The following CXADR variants were observed in gnomAD, a reference collection of about 807,000 sequenced individuals.
CXADR encodes CXADR cell adhesion molecule, also known as coxsackievirus and adenovirus receptor.
In CXADR, 20 loss-of-function variants were observed where a neutral mutation model predicts 40.3. That is an observed-to-expected ratio of 0.50 (90% CI 0.35 to 0.72). The LOEUF (loss-of-function observed/expected upper bound fraction) is 0.72. Among genes scored for constraint, CXADR ranks in the 30% least tolerant of loss-of-function variants. CXADR has a pLI of 0.01. For missense variants in CXADR, 332 were observed against 449.1 expected (o/e 0.74, Z 2.36); for synonymous variants, 150 against 161.3 (o/e 0.93, Z 0.53).
chr21:17,513,062 G>A lies in CXADR; in HGVS notation c.-68G>A. 19 of 1,303,242 alleles carry A rather than the reference G, an allele frequency of 1.5e-5. No homozygotes were observed. Among genetic ancestry groups the A allele is most frequent in the Non-Finnish European group, 1.9e-5 (19 of 1,017,072 alleles). 80.7% of individuals were successfully genotyped at this position (1,303,242 alleles called of 1,614,324 possible). A position where few individuals can be genotyped will look rare whatever the true frequency, so the allele number is the denominator to read the frequency against. ...CGAGCCAGTCGGGAGCGCGCGAGGC[G>A]CGGGGAGCCTGGGACCAGGAGCGAG... is the stretch of plus-strand genomic sequence containing the variant. On this transcript the variant is annotated 5_prime_UTR_variant, in exon 1 of 7. Coordinates refer to ENST00000284878, the MANE Select transcript of CXADR (RefSeq NM_001338.5).
chr21:17,557,769 T>C (rs1014757865), intron 3 of CXADR, among the ~76,000 whole-genome samples: 1 of 152,160 alleles, frequency 6.6e-6, no homozygotes, highest in Non-Finnish European at 1.5e-5. Flanking sequence ...TAATCTACAG[T>C]GGTAGAATCT....
At chr21:17,516,975 A>C (rs1011930468) in intron 1 of CXADR, among the ~76,000 whole-genome samples, 2 of 152,192 alleles carry the variant, frequency 1.3e-5, no homozygotes, top group African/African-American at 4.8e-5. Flanking sequence ...AAAATACCAA[A>C]TTTATAAAAT....
At chr21:17,544,890 T>G (rs1048833863) in intron 1 of CXADR, among the ~76,000 whole-genome samples, 1 of 152,312 alleles carries the variant, frequency 6.6e-6, no homozygotes, top group African/African-American at 2.4e-5. Flanking sequence ...ATTAAAATTT[T>G]ATTAGAACTG....
intron 6 of CXADR, among the ~76,000 whole-genome samples, chr21:17,562,051 G>T (rs2739392): frequency 0.91 from 137,869 of 152,258 alleles, 62,506 homozygotes; most frequent in East Asian, 1. Context: ...TCACATGAAT[G>T]TTTTTGTTTT....
downstream of CXADR, among the ~76,000 whole-genome samples, chr21:17,571,983 A>G (rs897366300): frequency 6.6e-6 from 1 of 152,180 alleles, no homozygotes; most frequent in African/African-American, 2.4e-5. Context: ...ATATTTAGTA[A>G]GAAACCTATG....
At chr21:17,522,922 A>G (rs2060549862) in intron 1 of CXADR, among the ~76,000 whole-genome samples, 1 of 152,160 alleles carries the variant, frequency 6.6e-6, no homozygotes, top group Non-Finnish European at 1.5e-5. Flanking sequence ...TCTCTCTCAT[A>G]TTAATTGGCA....
intron 1 of CXADR, among the ~76,000 whole-genome samples, chr21:17,543,755 A>G (rs754482529): frequency 1.3e-5 from 2 of 152,196 alleles, no homozygotes; most frequent in African/African-American, 2.4e-5. Flanking sequence ...GCAATTTGCA[A>G]TTTATTTCAG....
chr21:17,569,801 T>A lies in CXADR; in HGVS notation c.*4109T>A. The A allele has an allele frequency of 1.0e-6, 1 of 985,374 alleles. No individual in the cohort carries two copies. The highest frequency in any genetic ancestry group is 1.2e-6 in the Non-Finnish European group (1 of 829,846). 61.0% of individuals were successfully genotyped at this position (985,374 alleles called of 1,614,324 possible). The stretch of plus-strand genomic sequence containing the variant: ...CAAAACAGAACTTTGTGTTTTCTGC[T>A]AACTTATTTAATGACACAAGTTTTA... On this transcript the variant is annotated 3_prime_UTR_variant, in exon 7 of 7. Transcript: ENST00000284878.
chr21:17,607,931 G>A, the CXADR span, among the ~76,000 whole-genome samples: 1 of 152,194 alleles, frequency 6.6e-6, no homozygotes. Context: ...TTTACTTTAA[G>A]CTGTAAATGT....
chr21:17,627,287 CG>C, the CXADR span, among the ~76,000 whole-genome samples: 1 of 151,856 alleles, frequency 6.6e-6, no homozygotes, highest in Non-Finnish European at 1.5e-5. Context: ...ACCTAGGAGG[CG>C]GAGGTTGCGG....
chr21:17,615,661 T>G, the CXADR span, among the ~76,000 whole-genome samples: 1 of 152,214 alleles, frequency 6.6e-6, no homozygotes, highest in Non-Finnish European at 1.5e-5. Context: ...ACTACTATAC[T>G]CATTAATATG....
chr21:17,551,084 G>A (rs1221403523), intron 2 of CXADR, among the ~76,000 whole-genome samples: 1 of 151,544 alleles, frequency 6.6e-6, no homozygotes. Context: ...CAGCCTCAGA[G>A]GCAGTTGAAA....
At chr21:17,578,893 A>G (rs2250305) in intron 7 of CXADR, among the ~76,000 whole-genome samples, 68,770 of 152,080 alleles carry the variant, frequency 0.45, 17,992 homozygotes, top group South Asian at 0.6. Flanking sequence ...ATCCTATGTA[A>G]GGTTCAAATC....
At chr21:17,612,526 C>T in the CXADR span, 2 of 152,122 alleles carry the variant, frequency 1.3e-5, no homozygotes, top group Non-Finnish European at 2.9e-5. Context: ...CGCAGCCCCG[C>T]TCTGGCGCCG....
At chr21:17,571,665 A>G (rs1387611630), downstream of CXADR, among the ~76,000 whole-genome samples, 3 of 152,204 alleles carry the variant, frequency 2.0e-5, no homozygotes, top group Admixed American at 6.5e-5. Flanking sequence ...TTCTGCCGGT[A>G]TTTCCAAAAT....
At chr21:17,593,463 A>G (rs1321930707) in exon 8 of CXADR, 1 of 254,418 alleles carries the variant, frequency 3.9e-6, no homozygotes, top group African/African-American at 2.2e-5. Flanking sequence ...TACCACTAAC[A>G]AATTTTTAAC....
the CXADR span, among the ~76,000 whole-genome samples, chr21:17,618,694 G>A: frequency 6.6e-6 from 1 of 151,898 alleles, no homozygotes; most frequent in Non-Finnish European, 1.5e-5. Flanking sequence ...GCACCACCAC[G>A]CCCGGCTAAT....
At chr21:17,614,477 C>T in the CXADR span, among the ~76,000 whole-genome samples, 1 of 152,174 alleles carries the variant, frequency 6.6e-6, no homozygotes, top group Non-Finnish European at 1.5e-5. Context: ...GGCACTGTAG[C>T]TCATGCCTGT....
At chr21:17,599,887 C>CT in the CXADR span, among the ~76,000 whole-genome samples, 2 of 152,054 alleles carry the variant, frequency 1.3e-5, no homozygotes, top group East Asian at 3.9e-4. Flanking sequence ...AAAAGGGGGC[C>CT]TGTTATTTAT....
Sources: gnomAD v4.1 joint callset for allele counts (sites outside exome capture counted in the v4.1 genomes callset) on GRCh38, gnomAD v4.1.1 for gene constraint, MANE v1.5 for transcripts, NCBI Gene and HGNC (gene_info 2026-07-23, HGNC 2026-07-21) for gene names.